NTNG1: variants seen among roughly 807,000 people sequenced by gnomAD.
NTNG1 encodes netrin G1, also known as netrin-G1.
In NTNG1, 16 loss-of-function variants were observed where a neutral mutation model predicts 54.0. The ratio of observed to expected loss-of-function variants is 0.30; its 90% CI spans 0.20 to 0.45. The LOEUF is 0.45. Among genes scored for constraint, NTNG1 ranks in the 20% least tolerant of loss-of-function variants. The pLI, the probability that NTNG1 is intolerant of heterozygous loss-of-function variation, is 1.00. For missense variants in NTNG1, 530 were observed against 678.7 expected (o/e 0.78, Z 2.43); for synonymous variants, 255 against 263.1 (o/e 0.97, Z 0.30).
chr1:107,290,958 A>AT (rs1176800973), intron 2 of NTNG1, among the ~76,000 whole-genome samples: 1 of 127,290 alleles, frequency 7.9e-6, no homozygotes, highest in African/African-American at 3.5e-5. Context: ...GTGCATATAT[A>AT]TATATTATAT....
intron 2 of NTNG1, among the ~76,000 whole-genome samples, chr1:107,310,975 G>A (rs777614965): frequency 2.7e-4 from 41 of 152,064 alleles, no homozygotes; most frequent in Non-Finnish European, 5.6e-4. Flanking sequence ...AGCTTATAAT[G>A]AATCAACCTC....
intron 3 of NTNG1, among the ~76,000 whole-genome samples, chr1:107,373,375 CCT>C (rs764115233): frequency 5.3e-5 from 8 of 151,862 alleles, no homozygotes; most frequent in East Asian, 1.9e-4. Flanking sequence ...CCATTTCTCC[CCT>C]CTCAGACTTT....
At chr1:107,439,652 T>C (rs530871642) in intron 7 of NTNG1, among the ~76,000 whole-genome samples, 7 of 152,182 alleles carry the variant, frequency 4.6e-5, no homozygotes, top group Admixed American at 3.3e-4. Context: ...CCCACCCACA[T>C]AGGGCTGGTA....
chr1:107,283,953 C>T (rs558484090), intron 2 of NTNG1, among the ~76,000 whole-genome samples: 1 of 152,268 alleles, frequency 6.6e-6, no homozygotes, highest in East Asian at 1.9e-4. Context: ...TTTTATGCAT[C>T]TTCTACAGCT....
chr1:107,444,028 G>T (rs909607327), intron 7 of NTNG1, among the ~76,000 whole-genome samples: 2 of 152,102 alleles, frequency 1.3e-5, no homozygotes, highest in African/African-American at 4.8e-5. Flanking sequence ...GAAATAGAAA[G>T]TGGCAATTTG....
chr1:107,346,778 T>C (rs1669266251), intron 3 of NTNG1, among the ~76,000 whole-genome samples: 1 of 151,578 alleles, frequency 6.6e-6, no homozygotes, highest in African/African-American at 2.4e-5. Flanking sequence ...GCCAGGACTT[T>C]CTTATTTTGT....
At chr1:107,202,862 G>A (rs1658863215) in intron 2 of NTNG1, among the ~76,000 whole-genome samples, 1 of 151,742 alleles carries the variant, frequency 6.6e-6, no homozygotes, top group East Asian at 1.9e-4. Context: ...TGTCTCAAAA[G>A]TTTTCCCTTT....
chr1:107,216,167 G>A (rs1249764582), intron 2 of NTNG1, among the ~76,000 whole-genome samples: 1 of 152,096 alleles, frequency 6.6e-6, no homozygotes, highest in Non-Finnish European at 1.5e-5. Flanking sequence ...GCTCTGGCTA[G>A]GACTTCCAGT....
intron 3 of NTNG1, among the ~76,000 whole-genome samples, chr1:107,394,693 G>A (rs1050433118): frequency 2.0e-5 from 3 of 152,062 alleles, no homozygotes; most frequent in African/African-American, 7.2e-5. Context: ...TATTTTAATG[G>A]TTATCTTCCT....
Position 107,324,516 on chromosome 1 carries a change from A to G in NTNG1, c.481A>G (p.Ile161Val), listed in dbSNP as rs753876760. 2 of 1,613,792 alleles carry G rather than the reference A, an allele frequency of 1.2e-6. No homozygotes were observed. The highest frequency in any genetic ancestry group is 1.7e-6 in the Non-Finnish European group (2 of 1,179,852). The stretch of plus-strand genomic sequence containing the variant: ...TGAATCTGGGCGTCCAGACCAAATG[A>G]TCCTGGAGAAGTCTCTCGATTATGG... ...TFESGRPDQM[I>V]LEKSLDYGRT... is the part of the protein sequence containing the mutation. The change falls in exon 3 of 8, where the codon ATC (isoleucine) becomes GTC (valine). Residue 161 changes from isoleucine (I) to valine (V), a missense_variant. This residue lies in a region of NTNG1 where 318 missense variants were observed against 465.1 expected (regional missense o/e 0.68). Coordinates refer to ENST00000370068, the MANE Select transcript of NTNG1 (RefSeq NM_001113226.3).
chr1:107,421,134 C>G, intron 5 of NTNG1: 1 of 1,606,378 alleles, frequency 6.2e-7, no homozygotes, highest in Non-Finnish European at 8.5e-7. Flanking sequence ...AGTTGCAAAC[C>G]ACAAGAGAGG....
At chr1:107,386,720 A>T (rs943062415) in intron 3 of NTNG1, among the ~76,000 whole-genome samples, 1 of 152,180 alleles carries the variant, frequency 6.6e-6, no homozygotes, top group African/African-American at 2.4e-5. Flanking sequence ...TTTTATGTGG[A>T]CATATTTTCA....
intron 2 of NTNG1, among the ~76,000 whole-genome samples, chr1:107,261,385 G>A (rs1291114401): frequency 1.3e-5 from 2 of 151,930 alleles, no homozygotes; most frequent in Non-Finnish European, 2.9e-5. Flanking sequence ...ATAACAATAA[G>A]GGAATTTGTT....
At chr1:107,268,094 C>G (rs1424629698) in intron 2 of NTNG1, among the ~76,000 whole-genome samples, 1 of 152,220 alleles carries the variant, frequency 6.6e-6, no homozygotes, top group Non-Finnish European at 1.5e-5. Context: ...TTTATAACAT[C>G]ATTTCTGCAG....
chr1:107,288,853 A>T (rs1230449540), intron 2 of NTNG1, among the ~76,000 whole-genome samples: 1 of 152,158 alleles, frequency 6.6e-6, no homozygotes, highest in East Asian at 1.9e-4. Context: ...GTCTTTTCAG[A>T]ATCAAGGTTC....
intron 2 of NTNG1, among the ~76,000 whole-genome samples, chr1:107,235,481 T>C (rs1418652366): frequency 1.3e-5 from 2 of 152,186 alleles, no homozygotes; most frequent in Non-Finnish European, 2.9e-5. Context: ...TAGACTGTTA[T>C]GGATGTGAAA....
intron 1 of NTNG1, among the ~76,000 whole-genome samples, chr1:107,142,897 C>T (rs1653836849): frequency 6.6e-6 from 1 of 152,082 alleles, no homozygotes; most frequent in African/African-American, 2.4e-5. Context: ...CCTTACCCGC[C>T]TCCCTTTCTC....
chr1:107,199,436 T>C (rs1009291173), intron 2 of NTNG1, among the ~76,000 whole-genome samples: 1 of 151,974 alleles, frequency 6.6e-6, no homozygotes, highest in African/African-American at 2.4e-5. Flanking sequence ...GAGTATTAAA[T>C]TGTATTGCAG....
chr1:107,215,843 T>TAG (rs1659917027), intron 2 of NTNG1, among the ~76,000 whole-genome samples: 1 of 151,852 alleles, frequency 6.6e-6, no homozygotes, highest in South Asian at 2.1e-4. Context: ...TTTTTTTTTG[T>TAG]AGAGGTCTTT....
Sources: allele counts gnomAD v4.1 joint callset (sites outside exome capture counted in the v4.1 genomes callset), GRCh38; gene constraint gnomAD v4.1.1; regional missense constraint gnomAD v4.1.1; transcripts MANE v1.5; gene names NCBI Gene and HGNC (gene_info 2026-07-23, HGNC 2026-07-21).